The following RBFOX1 variants were observed in gnomAD, a reference collection of about 807,000 sequenced individuals.
The protein encoded by RBFOX1 is RNA binding protein fox-1 homolog 1.
In RBFOX1, 8 loss-of-function variants were observed where a neutral mutation model predicts 57.7. The observed-to-expected ratio is 0.14, with a 90% CI of 0.08 to 0.25. The LOEUF (loss-of-function observed/expected upper bound fraction) is 0.25. Among genes scored for constraint, RBFOX1 ranks in the 10% least tolerant of loss-of-function variants. The probability of loss-of-function intolerance (pLI) is 1.00; values close to 1 mark genes in which losing one functional copy is unlikely to be tolerated. For synonymous variants in RBFOX1, 326 were observed against 222.4 expected (o/e 1.47, Z -4.15); for missense variants, 611 against 548.5 (o/e 1.11, Z -1.14).
chr16:6,762,202 T>C (rs539113483), intron 3 of RBFOX1, among the ~76,000 whole-genome samples: 1 of 151,024 alleles, frequency 6.6e-6, no homozygotes, highest in South Asian at 2.1e-4. Flanking sequence ...TAATTAGAAT[T>C]AGATAAAATA....
At chr16:5,804,702 A>T (rs1029594864) in intron 3 of RBFOX1, among the ~76,000 whole-genome samples, 5 of 152,174 alleles carry the variant, frequency 3.3e-5, no homozygotes, top group Admixed American at 6.5e-5. Flanking sequence ...GTGGCCTTTC[A>T]GCAAGTTGGT....
intron 1 of RBFOX1, among the ~76,000 whole-genome samples, chr16:6,134,255 A>T (rs994348552): frequency 2.0e-5 from 3 of 152,078 alleles, no homozygotes; most frequent in Admixed American, 2.0e-4. Flanking sequence ...TTCTTATAGT[A>T]TTCAGCACCC....
intron 3 of RBFOX1, among the ~76,000 whole-genome samples, chr16:6,992,239 C>T (rs889053790): frequency 2.0e-5 from 3 of 151,414 alleles, no homozygotes; most frequent in Non-Finnish European, 4.4e-5. Context: ...TCTCGGCTTA[C>T]TGCAGCCTCT....
chr16:6,606,978 T>G (rs1008553926), intron 2 of RBFOX1, among the ~76,000 whole-genome samples: 1 of 152,198 alleles, frequency 6.6e-6, no homozygotes, highest in Non-Finnish European at 1.5e-5. Context: ...CCACTAACAG[T>G]GTAAAAGCAT....
At chr16:5,892,843 G>C (rs2058077991) in intron 4 of RBFOX1, among the ~76,000 whole-genome samples, 1 of 152,192 alleles carries the variant, frequency 6.6e-6, no homozygotes, top group Non-Finnish European at 1.5e-5. Context: ...CTGGAGCTGA[G>C]CATGTGAGAT....
chr16:5,329,414 AT>A (rs2064681893), intron 1 of RBFOX1, among the ~76,000 whole-genome samples: 1 of 152,108 alleles, frequency 6.6e-6, no homozygotes, highest in Admixed American at 6.5e-5. Flanking sequence ...AGATCTCACA[AT>A]AACTCACTCC....
intron 5 of RBFOX1, among the ~76,000 whole-genome samples, chr16:7,544,817 C>G (rs896148086): frequency 2.0e-5 from 3 of 151,896 alleles, no homozygotes; most frequent in Admixed American, 6.6e-5. Context: ...TTTGTTTTTT[C>G]CTTTATAGCA....
At chr16:5,723,953 G>A (rs73522272) in intron 3 of RBFOX1, among the ~76,000 whole-genome samples, 1,808 of 152,252 alleles carry the variant, frequency 0.012, 36 homozygotes, top group African/African-American at 0.038. Context: ...AAACAGACTC[G>A]GCTTTGAAAA....
At chr16:6,717,546 T>G (rs908259063) in intron 3 of RBFOX1, among the ~76,000 whole-genome samples, 6 of 151,882 alleles carry the variant, frequency 4.0e-5, no homozygotes, top group African/African-American at 1.5e-4. Context: ...GTCAACCTGA[T>G]GAATTAAGAT....
intron 4 of RBFOX1, among the ~76,000 whole-genome samples, chr16:5,976,581 A>G (rs918935195): frequency 2.6e-5 from 4 of 152,106 alleles, no homozygotes; most frequent in Admixed American, 2.0e-4. Flanking sequence ...TGAAAACAGT[A>G]TTTGAGGCCA....
chr16:6,920,768 G>T (rs1176653427), intron 3 of RBFOX1, among the ~76,000 whole-genome samples: 2 of 152,256 alleles, frequency 1.3e-5, no homozygotes, highest in Non-Finnish European at 1.5e-5. Flanking sequence ...CTCTGTCTCT[G>T]TGTGTGTCTT....
intron 1 of RBFOX1, chr16:5,270,818 G>T (rs139681902): frequency 4.5e-6 from 2 of 441,952 alleles, no homozygotes; most frequent in African/African-American, 2.1e-5. Context: ...AAGTAAAAAT[G>T]CTGGAGAACC....
chr16:6,297,667 C>T (rs917919437), intron 1 of RBFOX1, among the ~76,000 whole-genome samples: 3 of 151,996 alleles, frequency 2.0e-5, no homozygotes, highest in African/African-American at 4.8e-5. Flanking sequence ...TTTGGCCCAC[C>T]ACACCCCCCT....
intron 3 of RBFOX1, among the ~76,000 whole-genome samples, chr16:6,875,089 A>G (rs2061595734): frequency 6.6e-6 from 1 of 152,190 alleles, no homozygotes; most frequent in Non-Finnish European, 1.5e-5. Context: ...CTCAAAATGT[A>G]GGTTGTAATC....
At chr16:6,641,039 C>T (rs527839025) in intron 2 of RBFOX1, among the ~76,000 whole-genome samples, 17 of 152,288 alleles carry the variant, frequency 1.1e-4, no homozygotes, top group Middle Eastern at 6.8e-3. Flanking sequence ...CGTAAACTCA[C>T]CGTTCTGCAT....
intron 3 of RBFOX1, among the ~76,000 whole-genome samples, chr16:6,842,663 T>TTTC: frequency 6.6e-6 from 1 of 151,836 alleles, no homozygotes; most frequent in East Asian, 1.9e-4. Context: ...TTTTTTTTTT[T>TTTC]TTAATTTTAC....
In RBFOX1 at chr16:7,312,101, C is replaced by T. The variant is rs114212423; in HGVS notation, c.28-206046C>T. 4.8e-3 allele frequency among the ~76,000 whole-genome samples: 738 copies of T among 152,270 alleles called. 6 individuals carry two copies. The highest frequency in any genetic ancestry group is 0.016 in the African/African-American group (679 of 41,558). On this transcript the variant is annotated intron_variant, in intron 4 of 15. Coordinates refer to ENST00000550418, the MANE Select transcript of RBFOX1 (RefSeq NM_018723.4). ...TTTGATAAAGAAATGAAGGAAGGGC[C>T]GGGCGCAGTGGCCCACGCCTGTAAT...
At chr16:7,422,237 C>T (rs1230078763) in intron 4 of RBFOX1, among the ~76,000 whole-genome samples, 1 of 152,144 alleles carries the variant, frequency 6.6e-6, no homozygotes, top group Non-Finnish European at 1.5e-5. Flanking sequence ...GGCTGTTAGG[C>T]ACGGCACTCA....
chr16:7,152,070 C>T (rs1022592373), intron 4 of RBFOX1, among the ~76,000 whole-genome samples: 1 of 152,138 alleles, frequency 6.6e-6, no homozygotes, highest in Non-Finnish European at 1.5e-5. Flanking sequence ...TGTTGACAGT[C>T]CCTGTATTGA....
Sources: gnomAD v4.1 joint callset for allele counts (sites outside exome capture counted in the v4.1 genomes callset) on GRCh38, gnomAD v4.1.1 for gene constraint, MANE v1.5 for transcripts, NCBI Gene and HGNC (gene_info 2026-07-23, HGNC 2026-07-21) for gene names.